NFAT5: variants seen among roughly 807,000 people sequenced by gnomAD.
The protein encoded by NFAT5 is nuclear factor of activated T cells 5.
NFAT5 carries 31 observed loss-of-function variants against 166.5 expected under a neutral mutation model. The observed-to-expected ratio is 0.19, with a 90% CI of 0.14 to 0.25. The LOEUF is 0.25. Among genes scored for constraint, NFAT5 ranks in the 10% least tolerant of loss-of-function variants. The pLI, the probability that NFAT5 is intolerant of heterozygous loss-of-function variation, is 1.00. For missense variants in NFAT5, 1,449 were observed against 1,821.8 expected, an observed-to-expected ratio of 0.80 and a Z score of 3.72; for synonymous variants, 612 against 639.7, an observed-to-expected ratio of 0.96 and a Z score of 0.65.
At position 69,692,721 on chromosome 16, in the gene NFAT5, A is replaced by G. The variant is rs2151720264; in HGVS notation, c.2896A>G (p.Met966Val). The G allele has an allele frequency of 2.5e-6, 4 of 1,614,250 alleles. No individual in the cohort carries two copies. In the Admixed American group the frequency reaches 6.7e-5, roughly 27 times the overall value. Residue 966 changes from methionine (M) to valine (V), a missense_variant, in exon 13 of 15, where the codon ATG (methionine) becomes GTG (valine). Met to Val is a conservative substitution (Grantham distance 21, BLOSUM62 1). Coordinates refer to ENST00000349945, the MANE Select transcript of NFAT5 (RefSeq NM_138713.4). ...GAGTGCATTGTCTACCAATGAGGAT[A>G]TGCAAATGCAGTGTGAATTGTTTTC... ...MMSALSTNEDMQMQCELFSSP... is the reference protein window; with the variant it reads ...MMSALSTNEDVQMQCELFSSP...
intron 3 of NFAT5, among the ~76,000 whole-genome samples, chr16:69,645,576 T>C (rs2035404700): frequency 1.3e-5 from 2 of 152,204 alleles, no homozygotes; most frequent in African/African-American, 4.8e-5. Flanking sequence ...CTTTGGCACT[T>C]GGCTTTTAAT....
At chr16:69,638,571 TAAA>T (rs1344445885) in intron 3 of NFAT5, among the ~76,000 whole-genome samples, 2 of 151,654 alleles carry the variant, frequency 1.3e-5, no homozygotes, top group Non-Finnish European at 2.9e-5. Flanking sequence ...CCATCTCTAC[TAAA>T]AAATACAAAA....
chr16:69,599,744 C>T (rs865818073), intron 2 of NFAT5, among the ~76,000 whole-genome samples: 1 of 152,064 alleles, frequency 6.6e-6, no homozygotes. Flanking sequence ...TGGAGTTTTC[C>T]AGGTGGAGGA....
intron 11 of NFAT5, among the ~76,000 whole-genome samples, chr16:69,689,871 A>G (rs900198849): frequency 1.3e-5 from 2 of 152,210 alleles, no homozygotes; most frequent in African/African-American, 2.4e-5. Flanking sequence ...ACTGACAACA[A>G]CAACAAAAAT....
At chr16:69,657,853 A>G (rs2151641435) in intron 6 of NFAT5, among the ~76,000 whole-genome samples, 1 of 151,582 alleles carries the variant, frequency 6.6e-6, no homozygotes, top group East Asian at 1.9e-4. Context: ...TGGGAGGCCG[A>G]GGCAGGCGGA....
At chr16:69,669,364 G>A (rs1269270911) in intron 7 of NFAT5, among the ~76,000 whole-genome samples, 1 of 152,108 alleles carries the variant, frequency 6.6e-6, no homozygotes, top group Non-Finnish European at 1.5e-5. Context: ...GACCAACATG[G>A]TGAAACCCCG....
chr16:69,602,603 A>G (rs918628115), intron 2 of NFAT5, among the ~76,000 whole-genome samples: 1 of 136,316 alleles, frequency 7.3e-6, no homozygotes, highest in African/African-American at 2.8e-5. Flanking sequence ...TTTTTTTGAG[A>G]CAGACTCTCA....
chr16:69,608,994 A>C (rs1329800498), intron 2 of NFAT5, among the ~76,000 whole-genome samples: 1 of 151,352 alleles, frequency 6.6e-6, no homozygotes, highest in Non-Finnish European at 1.5e-5. Context: ...GGTGGCAGGC[A>C]TCTGTAGTCG....
chr16:69,684,792 T>C, intron 10 of NFAT5, 95 bp from the exon 11 acceptor site: 1 of 762,346 alleles, frequency 1.3e-6, no homozygotes, highest in Non-Finnish European at 2.1e-6. Context: ...AATTAAATGA[T>C]ACTTTGTGAC....
intron 7 of NFAT5, among the ~76,000 whole-genome samples, chr16:69,661,482 A>G (rs921870234): frequency 7.1e-6 from 1 of 140,442 alleles, no homozygotes; most frequent in Non-Finnish European, 1.5e-5. Context: ...GTTTTGAGAT[A>G]GCAGTGAGCT....
chr16:69,597,348 T>A (rs16958978), intron 2 of NFAT5, among the ~76,000 whole-genome samples: 2,825 of 152,258 alleles, frequency 0.019, 96 homozygotes, highest in African/African-American at 0.06. Flanking sequence ...AGCCAACAAG[T>A]GATATTTTAT....
At chr16:69,624,681 T>C (rs1235142003) in intron 2 of NFAT5, among the ~76,000 whole-genome samples, 1 of 152,182 alleles carries the variant, frequency 6.6e-6, no homozygotes, top group African/African-American at 2.4e-5. Flanking sequence ...AAAGTATTTA[T>C]GAATCCAGTA....
In NFAT5 at chr16:69,693,028, A is replaced by G. The variant is rs755934767; in HGVS notation, c.3203A>G (p.Asn1068Ser). The change falls in exon 13 of 15, where the codon AAT becomes AGT. Residue 1068 changes from asparagine (N) to serine (S), a missense_variant. Coordinates refer to ENST00000349945, the MANE Select transcript of NFAT5 (RefSeq NM_138713.4). ...GGTAATGGTTTATTCCAGCAAGGGA[A>G]TGAGATGATGTCACTTCAATCTGGA... Reference protein sequence around the residue: ...QQGNGLFQQGNEMMSLQSGNF... With the variant: ...QQGNGLFQQGSEMMSLQSGNF... The G allele has an allele frequency of 5.0e-6, 8 of 1,613,976 alleles. No homozygotes were observed. The highest frequency in any genetic ancestry group is 6.8e-6 in the Non-Finnish European group (8 of 1,180,028).
intron 2 of NFAT5, among the ~76,000 whole-genome samples, chr16:69,573,148 T>G (rs2142903534): frequency 6.6e-6 from 1 of 152,356 alleles, no homozygotes; most frequent in Non-Finnish European, 1.5e-5. Context: ...GGCCACAATC[T>G]TTGTTTAAAT....
At chr16:69,574,864 G>T (rs954875916) in intron 2 of NFAT5, among the ~76,000 whole-genome samples, 1 of 151,752 alleles carries the variant, frequency 6.6e-6, no homozygotes, top group African/African-American at 2.4e-5. Flanking sequence ...TAGAGATGGG[G>T]TTTCACCATG....
At chr16:69,602,339 G>A (rs2033173700) in intron 2 of NFAT5, among the ~76,000 whole-genome samples, 1 of 148,986 alleles carries the variant, frequency 6.7e-6, no homozygotes, top group Admixed American at 6.7e-5. Flanking sequence ...GTGCGATCTC[G>A]GCTCACTGCA....
intron 4 of NFAT5, chr16:69,648,189 AC>A (rs2035524362): frequency 1.0e-6 from 1 of 982,238 alleles, no homozygotes; most frequent in Non-Finnish European, 1.2e-6. Context: ...AAAAAAAAAA[AC>A]ACCAAAAAAA....
In NFAT5 at chr16:69,691,687, G is replaced by A; in HGVS notation, c.1924-62G>A. 3.1e-6 allele frequency: 4 copies of A among 1,289,876 alleles called. No homozygotes were observed. In the South Asian group the frequency reaches 4.4e-5, roughly 14 times the overall value. 79.9% of individuals were successfully genotyped at this position (1,289,876 alleles called of 1,614,324 possible). A position where few individuals can be genotyped will look rare whatever the true frequency, so the allele number is the denominator to read the frequency against. On this transcript the variant is annotated intron_variant, in intron 12 of 14. Transcript: ENST00000349945. The stretch of plus-strand genomic sequence containing the variant: ...TTTTAGAGCAATAGTGATTTTTGAT[G>A]TATGTTACAAACTTGTTTAATGTTT...
chr16:69,618,796 G>T (rs1301049613), intron 2 of NFAT5, among the ~76,000 whole-genome samples: 1 of 152,024 alleles, frequency 6.6e-6, no homozygotes, highest in Non-Finnish European at 1.5e-5. Context: ...TTTAGAAATG[G>T]ATTTTTCAGG....
Sources: allele counts gnomAD v4.1 joint callset (sites outside exome capture counted in the v4.1 genomes callset), GRCh38; gene constraint gnomAD v4.1.1; transcripts MANE v1.5; gene names NCBI Gene and HGNC (gene_info 2026-07-23, HGNC 2026-07-21).